The following SOX5 variants were observed in gnomAD, a reference collection of about 807,000 sequenced individuals.
SOX5 encodes the protein SRY-box transcription factor 5, also known as transcription factor SOX-5.
SOX5 carries 9 observed loss-of-function variants against 92.0 expected under a neutral mutation model. That is an observed-to-expected ratio of 0.10 (90% CI 0.06 to 0.17). SOX5 has a LOEUF of 0.17. Among genes scored for constraint, SOX5 ranks in the 10% least tolerant of loss-of-function variants. The pLI, the probability that SOX5 is intolerant of heterozygous loss-of-function variation, is 1.00. For synonymous variants in SOX5, 344 were observed against 336.3 expected (o/e 1.02, Z -0.25); for missense variants, 642 against 944.5 (o/e 0.68, Z 4.20).
intron 3 of SOX5, among the ~76,000 whole-genome samples, chr12:23,798,221 T>G (rs2095599515): frequency 6.6e-6 from 1 of 152,024 alleles, no homozygotes; most frequent in Admixed American, 6.6e-5. Flanking sequence ...TCTTGTCCAC[T>G]GCTGTATCTT....
chr12:24,043,615 C>A (rs775124991), intron 4 of SOX5, among the ~76,000 whole-genome samples: 3 of 152,138 alleles, frequency 2.0e-5, no homozygotes, highest in Non-Finnish European at 2.9e-5. Context: ...CATGGGATGG[C>A]GGCATTTCTG....
intron 3 of SOX5, among the ~76,000 whole-genome samples, chr12:24,247,428 A>G (rs894442351): frequency 2.0e-4 from 31 of 152,012 alleles, no homozygotes; most frequent in African/African-American, 7.0e-4. Context: ...AGCACAGGGT[A>G]GGTTTGGTTA....
At chr12:24,169,078 A>G (rs574397031) in intron 4 of SOX5, among the ~76,000 whole-genome samples, 2 of 152,328 alleles carry the variant, frequency 1.3e-5, no homozygotes, top group Admixed American at 6.5e-5. Context: ...TGTAGAAGAA[A>G]GTGAAGTGAT....
intron 1 of SOX5, among the ~76,000 whole-genome samples, chr12:23,909,494 A>C (rs368252239): frequency 6.6e-6 from 1 of 152,330 alleles, no homozygotes; most frequent in East Asian, 1.9e-4. Flanking sequence ...AAAAGTGTTC[A>C]CCTTACAAAT....
intron 4 of SOX5, among the ~76,000 whole-genome samples, chr12:23,755,409 TGG>T (rs758907767): frequency 2.6e-5 from 4 of 151,804 alleles, no homozygotes; most frequent in Non-Finnish European, 5.9e-5. Flanking sequence ...AGAGGTATAG[TGG>T]GGTGATTCTG....
chr12:24,107,076 A>G (rs1373168007), intron 4 of SOX5, among the ~76,000 whole-genome samples: 1 of 152,086 alleles, frequency 6.6e-6, no homozygotes, highest in East Asian at 1.9e-4. Flanking sequence ...TTCATCATTT[A>G]TACTATTCCT....
intron 1 of SOX5, among the ~76,000 whole-genome samples, chr12:24,498,966 T>C (rs1326854691): frequency 6.6e-6 from 1 of 152,204 alleles, no homozygotes; most frequent in African/African-American, 2.4e-5. Flanking sequence ...TTTTCCACAG[T>C]TGGCTCCTTC....
intron 1 of SOX5, among the ~76,000 whole-genome samples, chr12:24,557,443 GAAAA>G (rs372685561): frequency 1.3e-5 from 2 of 149,856 alleles, no homozygotes; most frequent in Non-Finnish European, 3.0e-5. Context: ...AAGAGGTTAA[GAAAA>G]AAAAGGAGGT....
rs67100585 is a variant in SOX5 at position 24,110,900 on chromosome 12, C to CAAAA, written c.-2+102439_-2+102442dup. Among the ~76,000 whole-genome samples, 68 of 27,576 alleles carry CAAAA rather than the reference C, an allele frequency of 2.5e-3. 9 individuals are homozygous for CAAAA. The highest frequency in any genetic ancestry group is 4.4e-3 in the African/African-American group (45 of 10,318). 18.1% of individuals were successfully genotyped at this position (27,576 alleles called of 152,430 possible). A position where few individuals can be genotyped will look rare whatever the true frequency, so the allele number is the denominator to read the frequency against. On this transcript the variant is annotated intron_variant, in intron 4 of 4. Coordinates refer to the SOX5 transcript ENST00000446891. ...TGGGCGACAGCGCGAGACTCCACTTCAAAAAAAAAAAAAAAAAAAAAAAAA... is the reference window on the plus strand; with the variant it reads ...TGGGCGACAGCGCGAGACTCCACTTCAAAAAAAAAAAAAAAAAAAAAAAAAAAAA...
chr12:24,313,607 T>A (rs1422283696), intron 2 of SOX5, among the ~76,000 whole-genome samples: 1 of 152,216 alleles, frequency 6.6e-6, no homozygotes, highest in Non-Finnish European at 1.5e-5. Flanking sequence ...GTCTTGATGA[T>A]GAACTGATCA....
chr12:24,144,935 A>G (rs1005450062), intron 4 of SOX5, among the ~76,000 whole-genome samples: 1 of 152,210 alleles, frequency 6.6e-6, no homozygotes, highest in East Asian at 1.9e-4. Context: ...CTACAAAAAA[A>G]CTACAAAAAA....
chr12:24,113,889 G>A (rs1250974081), intron 4 of SOX5, among the ~76,000 whole-genome samples: 1 of 152,268 alleles, frequency 6.6e-6, no homozygotes, highest in Middle Eastern at 3.4e-3. Context: ...GCAGTTAATA[G>A]AATCAAATCC....
chr12:23,534,241 T>C lies in SOX5; in HGVS notation c.2270A>G (p.His757Arg), dbSNP rs546370374. ...TTATCAGTTGGCTTGTCCTGCAATA[T>C]GGTTTTCACTGTCACTCCCATAATC... ...DVDYGSDSEN[H>R]IAGQAN The change falls in exon 15 of 15, where the codon CAT (histidine) becomes CGT (arginine). Residue 757 changes from histidine to arginine, a missense_variant. Around this residue, in one of 8 missense-constraint regions of SOX5, gnomAD observed 130 missense variants for 140.6 expected, o/e 0.92. Coordinates refer to ENST00000451604, the MANE Select transcript of SOX5 (RefSeq NM_006940.6). 5.0e-6 allele frequency: 8 copies of C among 1,613,988 alleles called. No individual in the cohort carries two copies. The highest frequency in any genetic ancestry group is 2.2e-5 in the East Asian group (1 of 44,894).
At chr12:24,269,135 A>G (rs1050459517) in intron 3 of SOX5, among the ~76,000 whole-genome samples, 1 of 152,194 alleles carries the variant, frequency 6.6e-6, no homozygotes, top group Admixed American at 6.5e-5. Context: ...TCCTTTTTCA[A>G]GCAATAAAGC....
chr12:24,258,015 TA>T (rs963540161), intron 3 of SOX5, among the ~76,000 whole-genome samples: 6 of 151,540 alleles, frequency 4.0e-5, no homozygotes, highest in Admixed American at 1.3e-4. Context: ...TCTACTAAAA[TA>T]AAAAAAATTA....
intron 1 of SOX5, among the ~76,000 whole-genome samples, chr12:24,446,644 A>G (rs10842350): frequency 0.57 from 87,357 of 152,052 alleles, 25,713 homozygotes; most frequent in East Asian, 0.97. Flanking sequence ...CTATAGTGCA[A>G]GTGGGGGTGA....
chr12:24,114,605 A>AAAAAAAAAAAAAAAAAAAAAAAAAG (rs1947776042), intron 4 of SOX5, among the ~76,000 whole-genome samples: 1 of 146,036 alleles, frequency 6.8e-6, no homozygotes, highest in Non-Finnish European at 1.5e-5. Context: ...AAAAAAAAAA[A>AAAAAAAAAAAAAAAAAAAAAAAAAG]TTAACAGACT....
intron 3 of SOX5, among the ~76,000 whole-genome samples, chr12:24,255,564 G>C (rs2140198879): frequency 6.6e-6 from 1 of 152,224 alleles, no homozygotes; most frequent in African/African-American, 2.4e-5. Flanking sequence ...AAGAAGTAAG[G>C]GGGATGGAGA....
chr12:24,027,829 C>A (rs1955047013), intron 4 of SOX5, among the ~76,000 whole-genome samples: 1 of 151,952 alleles, frequency 6.6e-6, no homozygotes, highest in Non-Finnish European at 1.5e-5. Flanking sequence ...TCAATCCATT[C>A]TCCACCCCGC....
Sources: allele counts gnomAD v4.1 joint callset (sites outside exome capture counted in the v4.1 genomes callset), GRCh38; gene constraint gnomAD v4.1.1; regional missense constraint gnomAD v4.1.1; transcripts MANE v1.5; gene names NCBI Gene and HGNC (gene_info 2026-07-23, HGNC 2026-07-21).